Variants in POLA1 observed in about 807,000 individuals in gnomAD.
POLA1 encodes DNA polymerase alpha 1, catalytic subunit.
POLA1 carries 15 observed loss-of-function variants against 124.0 expected under a neutral mutation model. That is an observed-to-expected ratio of 0.12 (90% confidence interval 0.08 to 0.19). POLA1 has a LOEUF of 0.19. Among genes scored for constraint, POLA1 ranks in the 10% least tolerant of loss-of-function variants. The pLI, the probability that POLA1 is intolerant of heterozygous loss-of-function variation, is 1.00. For missense variants in POLA1, 886 were observed against 1,103.4 expected (o/e 0.80, Z 2.79); for synonymous variants, 408 against 389.4 (o/e 1.05, Z -0.56).
At chrX:24,944,441 CTT>C (rs2047939660) in intron 36 of POLA1, among the ~76,000 whole-genome samples, 1 of 111,561 alleles carries the variant, frequency 9.0e-6, no homozygotes, top group African/African-American at 3.3e-5. Flanking sequence ...CTCTGTGAAA[CTT>C]TTGTGTGTTG....
rs2047087795 is a variant in POLA1 at position 24,888,031 on chromosome X, C to T, written c.4073C>T (p.Thr1358Ile). 8.3e-7 allele frequency: 1 copy of T among 1,207,344 alleles called. No individual in the cohort carries two copies. The highest frequency in any genetic ancestry group is 1.8e-5 in the South Asian group (1 of 56,854). Reference protein sequence around the residue: ...YDGWLICEEPTCRNRTRHLPL... With the variant: ...YDGWLICEEPICRNRTRHLPL... ...GGCTGGTTGATATGTGAAGAGCCAA[C>T]CTGTCGCAATCGAACTCGTCACCTT... Residue 1358 changes from threonine to isoleucine, a missense_variant, in exon 35 of 37, where the codon ACC becomes ATC. Physicochemically the swap from Thr to Ile is moderately conservative, Grantham distance 89 (BLOSUM62 -1). Around this residue, in one of 7 missense-constraint regions of POLA1, gnomAD observed 313 missense variants for 359.7 expected, o/e 0.87. Coordinates refer to ENST00000379068, the MANE Select transcript of POLA1 (RefSeq NM_001330360.2).
At chrX:24,796,216 A>G (rs2045603006) in intron 26 of POLA1, among the ~76,000 whole-genome samples, 1 of 111,330 alleles carries the variant, frequency 9.0e-6, no homozygotes, top group South Asian at 3.9e-4. Flanking sequence ...GAGGGGAGCT[A>G]TTGCAAAGGT....
At chrX:24,733,249 A>G in intron 16 of POLA1, among the ~76,000 whole-genome samples, 1 of 112,254 alleles carries the variant, frequency 8.9e-6, no homozygotes, top group African/African-American at 3.2e-5. Flanking sequence ...CAAAATGGTG[A>G]TGAGAATAGC....
At chrX:24,857,451 T>C (rs1352870271) in intron 34 of POLA1, among the ~76,000 whole-genome samples, 1 of 112,129 alleles carries the variant, frequency 8.9e-6, no homozygotes, top group East Asian at 2.8e-4. Context: ...ACAAAATTTT[T>C]ATTGGAATTG....
chrX:24,789,359 A>G lies in POLA1; in HGVS notation c.2965-20539A>G, dbSNP rs140041289. On this transcript the variant is annotated intron_variant, in intron 26 of 36. Transcript: ENST00000379068. ...CAAAAATCAGTTGTTTCTATGCACTAACAATAAACTATCCGAAAAAAGATA... is the reference window on the plus strand; with the variant it reads ...CAAAAATCAGTTGTTTCTATGCACTGACAATAAACTATCCGAAAAAAGATA... Among the ~76,000 whole-genome samples the G allele has an allele frequency of 3.6e-3, 400 of 112,070 alleles. 1 individual carries two copies. The highest frequency in any genetic ancestry group is 0.012 in the African/African-American group (370 of 30,855).
chrX:24,746,341 G>T (rs954390410), intron 24 of POLA1, among the ~76,000 whole-genome samples: 4 of 111,555 alleles, frequency 3.6e-5, no homozygotes, highest in Admixed American at 1.9e-4. Flanking sequence ...CAAAAGGTAT[G>T]ACTGCATTCA....
In POLA1 at chrX:24,910,339, C is replaced by T. The variant is rs1477497861; in HGVS notation, c.4165-20114C>T. On this transcript the variant is annotated intron_variant, in intron 35 of 36. Coordinates refer to ENST00000379068, the MANE Select transcript of POLA1 (RefSeq NM_001330360.2). ...GTGCCAGTTTTCAAAGGGAGTGCTTCCAGTTTTTGTCCATTCAGTATGATA... is the reference window on the plus strand; with the variant it reads ...GTGCCAGTTTTCAAAGGGAGTGCTTTCAGTTTTTGTCCATTCAGTATGATA... 4.6e-5 allele frequency among the ~76,000 whole-genome samples: 5 copies of T among 109,494 alleles called. No individual in the cohort carries two copies. The East Asian group carries it at 1.4e-3, about 31-fold the overall frequency.
chrX:24,961,705 C>T (rs181375728), intron 36 of POLA1, among the ~76,000 whole-genome samples: 26 of 111,581 alleles, frequency 2.3e-4, no homozygotes, highest in African/African-American at 8.5e-4. Context: ...CAGAGAGATT[C>T]TCCACTTCAA....
chrX:24,782,115 A>G (rs889849632), intron 26 of POLA1, among the ~76,000 whole-genome samples: 1 of 111,804 alleles, frequency 8.9e-6, no homozygotes, highest in Non-Finnish European at 1.9e-5. Context: ...CCTAATGCCA[A>G]TTTGTTCATC....
At chrX:24,746,053 A>AT (rs761097925) in intron 24 of POLA1, among the ~76,000 whole-genome samples, 206 of 110,223 alleles carry the variant, frequency 1.9e-3, no homozygotes, top group Non-Finnish European at 3.2e-3. Context: ...CTTTTTTGTA[A>AT]TTTTTTTTAA....
At chrX:24,856,149 TA>T (rs1397238613) in intron 34 of POLA1, among the ~76,000 whole-genome samples, 4 of 111,565 alleles carry the variant, frequency 3.6e-5, no homozygotes, top group Non-Finnish European at 7.5e-5. Flanking sequence ...ACAAAAACCC[TA>T]AAAACTCCCA....
At chrX:24,830,431 A>T (rs2046245470) in intron 32 of POLA1, among the ~76,000 whole-genome samples, 2 of 112,115 alleles carry the variant, frequency 1.8e-5, no homozygotes, top group South Asian at 7.4e-4. Flanking sequence ...ATTGAAAGAG[A>T]ATAATTTGTT....
chrX:24,727,684 G>C lies in POLA1; in HGVS notation c.1532-98G>C, dbSNP rs1430087787. The C allele has an allele frequency of 2.0e-5, 13 of 638,363 alleles. No individual in the cohort carries two copies. In the Middle Eastern group the frequency reaches 9.9e-4, roughly 48 times the overall value. The allele number at this position is 638,363 out of a possible 1,213,427, so 52.6% of individuals were successfully genotyped here. On this transcript the variant is annotated intron_variant, in intron 14 of 36. Coordinates refer to ENST00000379068, the MANE Select transcript of POLA1 (RefSeq NM_001330360.2). ...ATATGTCATTCTTATTAGAAGGCAG[G>C]GTTGAAGAATATGCCAGTTAATGAC...
At chrX:24,969,392 C>T (rs1412736529) in intron 36 of POLA1, among the ~76,000 whole-genome samples, 1 of 110,287 alleles carries the variant, frequency 9.1e-6, no homozygotes, top group Non-Finnish European at 1.9e-5. Context: ...CCATGCACCC[C>T]AGGAAAGCAC....
chrX:24,804,728 T>C (rs1183057893), intron 26 of POLA1, among the ~76,000 whole-genome samples: 2 of 112,005 alleles, frequency 1.8e-5, no homozygotes, highest in Non-Finnish European at 3.8e-5. Context: ...GTGTTTTCTC[T>C]CTATTGTTTA....
intron 35 of POLA1, among the ~76,000 whole-genome samples, chrX:24,918,889 G>C (rs1440433540): frequency 9.0e-6 from 1 of 111,305 alleles, no homozygotes; most frequent in African/African-American, 3.3e-5. Flanking sequence ...GGAATTAATA[G>C]AGTAAGAACT....
intron 32 of POLA1, among the ~76,000 whole-genome samples, chrX:24,831,769 A>G (rs190643088): frequency 8.9e-6 from 1 of 112,745 alleles, no homozygotes; most frequent in East Asian, 2.8e-4. Context: ...AAATTAAAAA[A>G]TGTTATACCA....
chrX:24,709,264 C>T (rs1440420575), intron 4 of POLA1, among the ~76,000 whole-genome samples: 10 of 94,629 alleles, frequency 1.1e-4, no homozygotes, highest in African/African-American at 1.3e-4. Flanking sequence ...ACCTCCCTCC[C>T]GGACGGCACG....
At chrX:24,951,358 C>A (rs1039905226) in intron 36 of POLA1, among the ~76,000 whole-genome samples, 4 of 55,902 alleles carry the variant, frequency 7.2e-5, no homozygotes, top group Middle Eastern at 7.9e-3. Flanking sequence ...CCCCCCCCCC[C>A]ACCAAATGCA....
Sources: gnomAD v4.1 joint callset for allele counts (sites outside exome capture counted in the v4.1 genomes callset) on GRCh38, gnomAD v4.1.1 for gene constraint, gnomAD v4.1.1 regional missense constraint, MANE v1.5 for transcripts, NCBI Gene and HGNC (gene_info 2026-07-23, HGNC 2026-07-21) for gene names.